Variants in HPCAL1 observed in about 807,000 individuals in gnomAD.
The protein encoded by HPCAL1 is hippocalcin like 1.
Under a neutral mutation model 17.1 loss-of-function variants are expected in HPCAL1, and 8 were observed. The observed-to-expected ratio is 0.47, with a 90% CI of 0.27 to 0.84. HPCAL1 has a LOEUF of 0.84. HPCAL1 is among the 40% of genes least tolerant of loss of function. HPCAL1 has a pLI of 0.13. For synonymous variants in HPCAL1, 112 were observed against 111.4 expected (o/e 1.01, Z -0.03); for missense variants, 165 against 271.1 (o/e 0.61, Z 2.75).
intron 2 of HPCAL1, among the ~76,000 whole-genome samples, chr2:10,412,878 G>A (rs1036588995): frequency 5.9e-5 from 9 of 152,180 alleles, no homozygotes; most frequent in African/African-American, 1.9e-4. Flanking sequence ...GCTTGTGGAT[G>A]TGATCAAGGT....
intron 1 of HPCAL1, among the ~76,000 whole-genome samples, chr2:10,306,811 T>C (rs756999728): frequency 6.6e-6 from 1 of 152,176 alleles, no homozygotes; most frequent in Non-Finnish European, 1.5e-5. Context: ...ACCTTGGCCA[T>C]GTTGTTTCAA....
At chr2:10,355,227 G>A (rs1028287937) in intron 1 of HPCAL1, among the ~76,000 whole-genome samples, 2 of 151,920 alleles carry the variant, frequency 1.3e-5, no homozygotes, top group East Asian at 3.9e-4. Context: ...CGAGGCGGGC[G>A]GATCACGAGG....
chr2:10,374,367 C>T (rs996432632), intron 1 of HPCAL1, among the ~76,000 whole-genome samples: 14 of 151,306 alleles, frequency 9.3e-5, no homozygotes, highest in African/African-American at 3.4e-4. Flanking sequence ...TGGTGTGCAG[C>T]CTTCTGGCTT....
intron 1 of HPCAL1, among the ~76,000 whole-genome samples, chr2:10,358,663 C>T (rs114154602): frequency 8.3e-4 from 126 of 152,284 alleles, no homozygotes; most frequent in African/African-American, 2.6e-3. Context: ...CAACAGATGC[C>T]GGCACGCTGG....
chr2:10,357,794 A>C (rs561440753), intron 1 of HPCAL1, among the ~76,000 whole-genome samples: 1 of 152,102 alleles, frequency 6.6e-6, no homozygotes, highest in East Asian at 1.9e-4. Flanking sequence ...CAACAACAAA[A>C]CCGTCCTCCT....
rs571398700 is a variant in HPCAL1 at position 10,310,492 on chromosome 2, C to T, written c.-111+7315C>T. ...TGACTGCTGTGCGTGTGGAGGCTTC[C>T]GGAAGGCAGCCAGTGCTGGTTACTG... is the stretch of plus-strand genomic sequence containing the variant. On this transcript the variant is annotated intron_variant, in intron 1 of 4. Coordinates refer to ENST00000307845, the MANE Select transcript of HPCAL1 (RefSeq NM_002149.4). This position sits in a 1 kb window ranked among gnomAD's most constrained non-coding sequence, Gnocchi z 4.5. Among the ~76,000 whole-genome samples the T allele has an allele frequency of 4.6e-5, 7 of 152,196 alleles. No individual in the cohort carries two copies. The highest frequency in any genetic ancestry group is 2.1e-4 in the South Asian group (1 of 4,816).
chr2:10,325,996 T>G (rs529499675), intron 1 of HPCAL1, among the ~76,000 whole-genome samples: 1 of 152,230 alleles, frequency 6.6e-6, no homozygotes, highest in African/African-American at 2.4e-5. Context: ...TTTAAGCCAC[T>G]GAACAGTCAT....
intron 3 of HPCAL1, among the ~76,000 whole-genome samples, 167 bp downstream of exon 3, chr2:10,420,302 T>A (rs116660256): frequency 0.027 from 4,031 of 149,602 alleles, 201 homozygotes; most frequent in African/African-American, 0.096. Flanking sequence ...CTCTGCCTCC[T>A]GGGCTCAGGT....
At chr2:10,341,540 A>G (rs1053995994) in intron 1 of HPCAL1, among the ~76,000 whole-genome samples, 1 of 148,826 alleles carries the variant, frequency 6.7e-6, no homozygotes, top group African/African-American at 2.5e-5. Context: ...GGAATGACCA[A>G]TGGGTGGGGG....
chr2:10,325,858 A>T (rs901088839), intron 1 of HPCAL1, among the ~76,000 whole-genome samples: 1 of 152,334 alleles, frequency 6.6e-6, no homozygotes, highest in Non-Finnish European at 1.5e-5. Flanking sequence ...GTTGGGCACC[A>T]TGGCCATTTC....
At chr2:10,364,692 C>A (rs1422278035) in intron 1 of HPCAL1, among the ~76,000 whole-genome samples, 1 of 151,778 alleles carries the variant, frequency 6.6e-6, no homozygotes, top group African/African-American at 2.4e-5. Flanking sequence ...CTCAGGTGAT[C>A]CTCCCACCTC....
intron 1 of HPCAL1, among the ~76,000 whole-genome samples, chr2:10,317,516 C>T (rs569761141): frequency 6.6e-5 from 10 of 151,102 alleles, no homozygotes; most frequent in East Asian, 1.9e-4. Context: ...CTCCTGGGTT[C>T]GAGCAATTCT....
At chr2:10,340,808 G>T (rs2125442314) in intron 1 of HPCAL1, among the ~76,000 whole-genome samples, 1 of 152,118 alleles carries the variant, frequency 6.6e-6, no homozygotes, top group Admixed American at 6.6e-5. Context: ...CCCACGCCTG[G>T]GGCCTGTCCT....
Position 10,345,101 on chromosome 2 carries a change from C to G in HPCAL1, c.-111+41924C>G, listed in dbSNP as rs912231109. On this transcript the variant is annotated intron_variant, in intron 1 of 4. Coordinates refer to ENST00000307845, the MANE Select transcript of HPCAL1 (RefSeq NM_002149.4). ...TCTTGCAGTCTCTTTCTGCCTCTCT[C>G]TGTGTGTCTGTCTCTGTCTCTGTAT... Among the ~76,000 whole-genome samples the G allele has an allele frequency of 2.6e-5, 4 of 152,054 alleles. No homozygotes were observed. The South Asian group carries it at 8.3e-4, about 32-fold the overall frequency.
chr2:10,375,957 G>A (rs938044636), intron 1 of HPCAL1, among the ~76,000 whole-genome samples: 1 of 152,254 alleles, frequency 6.6e-6, no homozygotes, highest in African/African-American at 2.4e-5. Flanking sequence ...AGCATTGCAG[G>A]AGGGGTCTGG....
intron 1 of HPCAL1, among the ~76,000 whole-genome samples, chr2:10,353,429 G>T (rs561157961): frequency 6.6e-6 from 1 of 152,208 alleles, no homozygotes; most frequent in Non-Finnish European, 1.5e-5. Context: ...CAGTGCTGTC[G>T]TGGGGGGCCC....
At chr2:10,361,906 G>GGT (rs1039578296) in intron 1 of HPCAL1, among the ~76,000 whole-genome samples, 5 of 152,004 alleles carry the variant, frequency 3.3e-5, no homozygotes, top group South Asian at 4.2e-4. Flanking sequence ...TAATAGAGAT[G>GGT]GTGTTTCATC....
intron 1 of HPCAL1, among the ~76,000 whole-genome samples, chr2:10,379,217 C>T (rs1206055034): frequency 1.3e-5 from 2 of 151,960 alleles, no homozygotes; most frequent in Non-Finnish European, 2.9e-5. Flanking sequence ...CCGAAGACTA[C>T]ATTTGAAGTC....
At chr2:10,409,722 C>T (rs1027131692) in intron 2 of HPCAL1, among the ~76,000 whole-genome samples, 2 of 148,794 alleles carry the variant, frequency 1.3e-5, no homozygotes, top group African/African-American at 4.9e-5. Context: ...CCCTCTGATT[C>T]CTTGAAGTTC....
Sources: allele counts gnomAD v4.1 joint callset (sites outside exome capture counted in the v4.1 genomes callset), GRCh38; gene constraint gnomAD v4.1.1; non-coding constraint Gnocchi (gnomAD v3.1); transcripts MANE v1.5; gene names NCBI Gene and HGNC (gene_info 2026-07-23, HGNC 2026-07-21).